NENF: variants seen among roughly 807,000 people sequenced by gnomAD.
NENF encodes neudesin neurotrophic factor.
Under a neutral mutation model 14.8 loss-of-function variants are expected in NENF, and 6 were observed. The observed-to-expected ratio is 0.40, with a 90% CI of 0.22 to 0.80. NENF has a LOEUF of 0.80. Ranked by LOEUF, NENF falls within the 30% of genes least tolerant of loss-of-function variation. The pLI, the probability that NENF is intolerant of heterozygous loss-of-function variation, is 0.34. For synonymous variants in NENF, 76 were observed against 95.1 expected, an observed-to-expected ratio of 0.80 and a Z score of 1.17; for missense variants, 184 against 212.7, an observed-to-expected ratio of 0.87 and a Z score of 0.84.
intron 1 of NENF, among the ~76,000 whole-genome samples, chr1:212,438,681 G>A (rs1662647162): frequency 6.8e-6 from 1 of 146,112 alleles, no homozygotes. Context: ...GTGCAGTAGT[G>A]TGATCTTGGC....
chr1:212,443,937 A>G (rs1662735570), intron 2 of NENF, among the ~76,000 whole-genome samples: 1 of 152,006 alleles, frequency 6.6e-6, no homozygotes, highest in Admixed American at 6.5e-5. Flanking sequence ...CTGTAGTCCC[A>G]GCTACTCTGG....
At chr1:212,441,530 A>G (rs1662698356) in intron 1 of NENF, among the ~76,000 whole-genome samples, 1 of 152,066 alleles carries the variant, frequency 6.6e-6, no homozygotes, top group African/African-American at 2.4e-5. Flanking sequence ...CACGTCGGTA[A>G]TCCCAGCACT....
Position 212,433,070 on chromosome 1 carries a change from C to T in NENF, c.127C>T (p.Pro43Ser). 6.7e-6 allele frequency: 8 copies of T among 1,195,586 alleles called. No individual in the cohort carries two copies. Among genetic ancestry groups the T allele is most frequent in the East Asian group, 3.5e-5 (1 of 28,538 alleles). The allele number at this position is 1,195,586 out of a possible 1,614,324, so 74.1% of individuals were successfully genotyped here. A position where few individuals can be genotyped will look rare whatever the true frequency, so the allele number is the denominator to read the frequency against. ...ACCGCGCCCTGCCGAGCGGGGGCCC[C>T]CAGTGCGGCTTTTCACCGAGGAGGA... is the stretch of plus-strand genomic sequence containing the variant. ...QTPRPAERGP[P>S]VRLFTEEELA... is the part of the protein sequence containing the mutation. The change falls in exon 1 of 4, where the codon CCA becomes TCA. Residue 43 changes from proline (P) to serine (S), a missense_variant. By Grantham distance (74) the Pro-to-Ser change is moderately conservative. Transcript: ENST00000366988. The surrounding 1 kb of genome is among the most constrained non-coding windows in gnomAD (Gnocchi z 5.5).
chr1:212,439,925 G>A (rs1343594988), intron 1 of NENF, among the ~76,000 whole-genome samples: 2 of 152,038 alleles, frequency 1.3e-5, no homozygotes, highest in African/African-American at 2.4e-5. Context: ...TTATGTATGT[G>A]AATGTTATAT....
chr1:212,442,223 G>A (rs1383860895), intron 1 of NENF, among the ~76,000 whole-genome samples: 1 of 152,226 alleles, frequency 6.6e-6, no homozygotes, highest in Non-Finnish European at 1.5e-5. Context: ...TATTGGCCAG[G>A]CTGGTCTTGA....
chr1:212,441,340 C>T (rs1225280914), intron 1 of NENF, among the ~76,000 whole-genome samples: 1 of 152,068 alleles, frequency 6.6e-6, no homozygotes, highest in Non-Finnish European at 1.5e-5. Context: ...TAAATAAAGG[C>T]CTCAATGAAA....
In NENF at chr1:212,433,129, G is replaced by A. The variant is rs1662546277; in HGVS notation, c.177+9G>A. 7.6e-6 allele frequency: 9 copies of A among 1,182,878 alleles called. No homozygotes were observed. The highest frequency in any genetic ancestry group is 4.2e-5 in the South Asian group (1 of 23,900). 73.3% of individuals were successfully genotyped at this position (1,182,878 alleles called of 1,614,324 possible). A position where few individuals can be genotyped will look rare whatever the true frequency, so the allele number is the denominator to read the frequency against. On this transcript the variant is annotated intron_variant, in intron 1 of 3. Coordinates refer to ENST00000366988, the MANE Select transcript of NENF (RefSeq NM_013349.5). The surrounding 1 kb of genome is among the most constrained non-coding windows in gnomAD (Gnocchi z 5.5). ...GCTATGGCGGGGAGGAGGTAGGCGG[G>A]GGTGTCGCGGGCCGAGGGACCCGGG...
chr1:212,444,511 T>C lies in NENF; in HGVS notation c.342+69T>C, dbSNP rs1478505476. ...TCCATGCCTTTTTCTCTTTTTCTTT[T>C]TCTTTTCGTGTGTGTGTGTGTGTGT... On this transcript the variant is annotated intron_variant, in intron 3 of 3. Coordinates refer to ENST00000366988, the MANE Select transcript of NENF (RefSeq NM_013349.5). The C allele has an allele frequency of 7.7e-6, 8 of 1,045,518 alleles. No homozygotes were observed. In the African/African-American group the frequency reaches 1.0e-4, roughly 13 times the overall value. 64.8% of individuals were successfully genotyped at this position (1,045,518 alleles called of 1,614,324 possible).
At position 212,432,932 on chromosome 1, in the gene NENF, T is replaced by G; in HGVS notation, c.-12T>G. Reference sequence around the variant, plus strand: ...GCCCTGGCCCGGCCTTGCCTTGCGCTGCGCGCTCACCATGGTGGGCCCCGC... The same window carrying G: ...GCCCTGGCCCGGCCTTGCCTTGCGCGGCGCGCTCACCATGGTGGGCCCCGC... On this transcript the variant is annotated 5_prime_UTR_variant, in exon 1 of 4. Coordinates refer to ENST00000366988, the MANE Select transcript of NENF (RefSeq NM_013349.5). 1.4e-6 allele frequency: 1 copy of G among 723,192 alleles called. No homozygotes were observed. The allele number at this position is 723,192 out of a possible 1,614,324, so 44.8% of individuals were successfully genotyped here. A position where few individuals can be genotyped will look rare whatever the true frequency, so the allele number is the denominator to read the frequency against.
chr1:212,433,191 A>C lies in NENF; in HGVS notation c.177+71A>C. 1 of 1,020,338 alleles carries C rather than the reference A, an allele frequency of 9.8e-7. No homozygotes were observed. Among genetic ancestry groups the C allele is most frequent in the Non-Finnish European group, 1.2e-6 (1 of 821,252 alleles). The allele number at this position is 1,020,338 out of a possible 1,614,324, so 63.2% of individuals were successfully genotyped here. A position where few individuals can be genotyped will look rare whatever the true frequency, so the allele number is the denominator to read the frequency against. On this transcript the variant is annotated intron_variant, in intron 1 of 3. Transcript: ENST00000366988. The surrounding 1 kb of genome is among the most constrained non-coding windows in gnomAD (Gnocchi z 5.5). ...TCTGCGGCGAGCCGAGCGGGGACCC[A>C]GGAGGCGCCGGCGGCCCAGGAAGCT...
intron 1 of NENF, chr1:212,434,810 T>C (rs1009219436): frequency 2.0e-5 from 3 of 152,168 alleles, no homozygotes; most frequent in Non-Finnish European, 4.4e-5. Flanking sequence ...AACTGCAAGA[T>C]GAGGACTGAG....
chr1:212,443,281 C>T (rs184747704), intron 2 of NENF, among the ~76,000 whole-genome samples: 1 of 152,264 alleles, frequency 6.6e-6, no homozygotes, highest in Non-Finnish European at 1.5e-5. Context: ...TTTAATGTAA[C>T]TACTAATGAT....
chr1:212,438,069 GGTTGT>G (rs1662636826), intron 1 of NENF, among the ~76,000 whole-genome samples: 2 of 152,092 alleles, frequency 1.3e-5, no homozygotes, highest in Admixed American at 6.5e-5. Context: ...TTCTAGTAAG[GGTTGT>G]ACAGAAGAGG....
At chr1:212,437,878 G>T (rs1662633715) in intron 1 of NENF, among the ~76,000 whole-genome samples, 1 of 152,190 alleles carries the variant, frequency 6.6e-6, no homozygotes, top group Non-Finnish European at 1.5e-5. Flanking sequence ...TCTGGGCGGG[G>T]TGTGGTGGCT....
At position 212,433,747 on chromosome 1, in the gene NENF, C is replaced by G. The variant is rs1197485310; in HGVS notation, c.177+627C>G. On this transcript the variant is annotated intron_variant, in intron 1 of 3. Transcript: ENST00000366988. The surrounding 1 kb of genome is among the most constrained non-coding windows in gnomAD (Gnocchi z 5.5). Reference sequence around the variant, plus strand: ...CCCGCCACACGTCAATAGAGACCCCCCCGCCCACACACACCCACACACGTC... The same window carrying G: ...CCCGCCACACGTCAATAGAGACCCCGCCGCCCACACACACCCACACACGTC... Among the ~76,000 whole-genome samples, 2 of 151,958 alleles carry G rather than the reference C, an allele frequency of 1.3e-5. No individual in the cohort carries two copies. The highest frequency in any genetic ancestry group is 2.9e-5 in the Non-Finnish European group (2 of 67,982).
chr1:212,443,839 T>G (rs1273337780), intron 2 of NENF, among the ~76,000 whole-genome samples: 3 of 150,044 alleles, frequency 2.0e-5, no homozygotes, highest in Non-Finnish European at 3.0e-5. Flanking sequence ...AGCTCAGGAG[T>G]TCAAGACTAG....
intron 1 of NENF, among the ~76,000 whole-genome samples, chr1:212,438,617 A>AT (rs757959823): frequency 0.036 from 4,444 of 124,866 alleles, 142 homozygotes; most frequent in Admixed American, 0.067. Flanking sequence ...GTGTGTCTGT[A>AT]TTTTTTTTTT....
chr1:212,444,555 GTGTGTGTGTGTGTA>G (rs574816270), intron 3 of NENF, 113 bp downstream of exon 3: 11,748 of 486,226 alleles, frequency 0.024, 392 homozygotes, highest in East Asian at 0.1. Context: ...GTGTGTGTGT[GTGTGTGTGTGTGTA>G]TCTGGGCAAG....
At chr1:212,434,583 C>T (rs1370691178) in intron 1 of NENF, 1 of 152,060 alleles carries the variant, frequency 6.6e-6, no homozygotes, top group African/African-American at 2.4e-5. Flanking sequence ...GTGTGCTCTT[C>T]CTCATGGGAG....
Sources: gnomAD v4.1 joint callset for allele counts (sites outside exome capture counted in the v4.1 genomes callset) on GRCh38, gnomAD v4.1.1 for gene constraint, Gnocchi (gnomAD v3.1) non-coding constraint, MANE v1.5 for transcripts, NCBI Gene and HGNC (gene_info 2026-07-23, HGNC 2026-07-21) for gene names.